CAMK2D: variants seen among roughly 807,000 people sequenced by gnomAD.
CAMK2D encodes the protein calcium/calmodulin-dependent protein kinase type II subunit delta.
CAMK2D carries 37 observed loss-of-function variants against 84.0 expected under a neutral mutation model. The observed-to-expected ratio is 0.44, with a 90% confidence interval of 0.34 to 0.58. CAMK2D has a LOEUF of 0.58. Ranked by LOEUF, CAMK2D falls within the 20% of genes least tolerant of loss-of-function variation. The pLI, the probability that CAMK2D is intolerant of heterozygous loss-of-function variation, is 0.02. For missense variants in CAMK2D, 448 were observed against 652.5 expected, an observed-to-expected ratio of 0.69 and a Z score of 3.41; for synonymous variants, 202 against 212.5, an observed-to-expected ratio of 0.95 and a Z score of 0.43.
intron 2 of CAMK2D, among the ~76,000 whole-genome samples, chr4:113,744,771 G>A (rs1045760407): frequency 1.3e-5 from 2 of 152,164 alleles, no homozygotes; most frequent in African/African-American, 4.8e-5. Flanking sequence ...CTTGAATCTT[G>A]GCAATCTGAT....
intron 2 of CAMK2D, among the ~76,000 whole-genome samples, chr4:113,700,028 T>C (rs751036547): frequency 1.3e-5 from 2 of 152,178 alleles, no homozygotes; most frequent in Non-Finnish European, 1.5e-5. Flanking sequence ...TTTTTGAATA[T>C]CAAATTTTAC....
intron 16 of CAMK2D, among the ~76,000 whole-genome samples, chr4:113,492,302 C>G (rs1284714741): frequency 6.6e-6 from 1 of 152,086 alleles, no homozygotes. Context: ...TCCCTCTACA[C>G]ACTGCTTTGA....
At chr4:113,709,781 A>ATC (rs1491185734) in intron 2 of CAMK2D, among the ~76,000 whole-genome samples, 2 of 125,320 alleles carry the variant, frequency 1.6e-5, no homozygotes, top group African/African-American at 6.5e-5. Flanking sequence ...ATATATATAT[A>ATC]TGAGAGACTT....
intron 2 of CAMK2D, among the ~76,000 whole-genome samples, chr4:113,714,524 A>C (rs1225701357): frequency 6.6e-6 from 1 of 152,134 alleles, no homozygotes; most frequent in Admixed American, 6.6e-5. Flanking sequence ...CAGCAGGTGC[A>C]AGAGATGCAC....
intron 2 of CAMK2D, among the ~76,000 whole-genome samples, chr4:113,753,085 C>T (rs1011628941): frequency 5.9e-5 from 9 of 151,938 alleles, no homozygotes; most frequent in Non-Finnish European, 1.3e-4. Flanking sequence ...CAGAGAAAAC[C>T]AGATTGAAAT....
At chr4:113,470,089 C>T (rs1179792904) in intron 16 of CAMK2D, among the ~76,000 whole-genome samples, 1 of 152,094 alleles carries the variant, frequency 6.6e-6, no homozygotes, top group African/African-American at 2.4e-5. Context: ...CTTCTCACTG[C>T]TCTCAGGATA....
intron 2 of CAMK2D, among the ~76,000 whole-genome samples, chr4:113,663,937 G>A (rs1385020276): frequency 6.6e-6 from 1 of 152,098 alleles, no homozygotes; most frequent in Non-Finnish European, 1.5e-5. Flanking sequence ...ATTTGGAGAT[G>A]GAATGTTTAA....
intron 2 of CAMK2D, among the ~76,000 whole-genome samples, chr4:113,733,711 T>C (rs1274339177): frequency 1.3e-5 from 2 of 152,206 alleles, no homozygotes; most frequent in East Asian, 3.8e-4. Flanking sequence ...ATCCACTTTA[T>C]TTTTTAAATA....
chr4:113,647,386 C>T (rs1385285948), intron 3 of CAMK2D, among the ~76,000 whole-genome samples: 1 of 152,178 alleles, frequency 6.6e-6, no homozygotes, highest in Non-Finnish European at 1.5e-5. Flanking sequence ...AGATGCACTG[C>T]CTACTTTTTT....
intron 2 of CAMK2D, among the ~76,000 whole-genome samples, chr4:113,699,060 A>C (rs1420451986): frequency 6.6e-6 from 1 of 152,108 alleles, no homozygotes; most frequent in Non-Finnish European, 1.5e-5. Flanking sequence ...GATGTTTCTC[A>C]GTGGTATTCC....
chr4:113,689,749 T>C (rs1423632392), intron 2 of CAMK2D, among the ~76,000 whole-genome samples: 1 of 152,244 alleles, frequency 6.6e-6, no homozygotes, highest in East Asian at 1.9e-4. Flanking sequence ...ACTTTTGTTA[T>C]TTCCTTCATA....
intron 16 of CAMK2D, among the ~76,000 whole-genome samples, chr4:113,485,302 T>A (rs1028725563): frequency 6.6e-6 from 1 of 152,200 alleles, no homozygotes; most frequent in Non-Finnish European, 1.5e-5. Context: ...AAAGTTGAAA[T>A]CCTATCTATG....
At chr4:113,543,915 C>T (rs974197031) in intron 6 of CAMK2D, among the ~76,000 whole-genome samples, 1 of 151,988 alleles carries the variant, frequency 6.6e-6, no homozygotes, top group Non-Finnish European at 1.5e-5. Flanking sequence ...CCTCAGCCTC[C>T]CGAGTAGCTG....
At chr4:113,473,496 A>C (rs1383274143) in intron 16 of CAMK2D, among the ~76,000 whole-genome samples, 1 of 152,226 alleles carries the variant, frequency 6.6e-6, no homozygotes, top group Non-Finnish European at 1.5e-5. Flanking sequence ...GAGTGATTTA[A>C]TATTTTATTC....
intron 13 of CAMK2D, among the ~76,000 whole-genome samples, chr4:113,506,855 C>T (rs1478583534): frequency 3.9e-5 from 6 of 152,062 alleles, no homozygotes; most frequent in African/African-American, 1.2e-4. Flanking sequence ...ACTTGCACAC[C>T]TGTGCACACA....
At chr4:113,473,196 C>T (rs1295926734) in intron 16 of CAMK2D, among the ~76,000 whole-genome samples, 3 of 152,194 alleles carry the variant, frequency 2.0e-5, no homozygotes, top group African/African-American at 4.8e-5. Flanking sequence ...ATCAATTTCA[C>T]ACAACTGGGT....
intron 2 of CAMK2D, among the ~76,000 whole-genome samples, chr4:113,678,102 C>A (rs2099326376): frequency 6.6e-6 from 1 of 151,904 alleles, no homozygotes; most frequent in Non-Finnish European, 1.5e-5. Context: ...TGAAAAATAC[C>A]CTTTTTGTAA....
chr4:113,669,762 G>C, intron 2 of CAMK2D, among the ~76,000 whole-genome samples: 1 of 152,152 alleles, frequency 6.6e-6, no homozygotes, highest in East Asian at 1.9e-4. Context: ...AGAGGATTTA[G>C]GCAGGAGGAG....
At chr4:113,628,269 C>T (rs926984254) in intron 3 of CAMK2D, among the ~76,000 whole-genome samples, 1 of 152,098 alleles carries the variant, frequency 6.6e-6, no homozygotes, top group Non-Finnish European at 1.5e-5. Flanking sequence ...TTAGAGACTA[C>T]ATTAGCAAAT....
Sources: gnomAD v4.1 joint callset for allele counts (sites outside exome capture counted in the v4.1 genomes callset) on GRCh38, gnomAD v4.1.1 for gene constraint, MANE v1.5 for transcripts, NCBI Gene and HGNC (gene_info 2026-07-23, HGNC 2026-07-21) for gene names.